The following COL24A1 variants were observed in gnomAD, a reference collection of about 807,000 sequenced individuals.
COL24A1 encodes the protein collagen alpha-1(XXIV) chain.
A neutral mutation model predicts 253.9 loss-of-function variants in COL24A1; 224 were observed. The ratio of observed to expected loss-of-function variants is 0.88; its 90% CI spans 0.79 to 0.99. The LOEUF is 0.99. Ranked by LOEUF, COL24A1 falls within the 50% of genes least tolerant of loss-of-function variation. The pLI, the probability that COL24A1 is intolerant of heterozygous loss-of-function variation, is 0.00. For synonymous variants in COL24A1, 685 were observed against 673.7 expected (o/e 1.02, Z -0.26); for missense variants, 2,131 against 2,068.5 (o/e 1.03, Z -0.59).
chr1:86,036,903 C>T (rs1699078045), intron 12 of COL24A1, among the ~76,000 whole-genome samples: 1 of 151,996 alleles, frequency 6.6e-6, no homozygotes, highest in Admixed American at 6.6e-5. Context: ...TCTCACGTTG[C>T]CAAAGGACAA....
chr1:85,737,013 T>G (rs1205856886), intron 58 of COL24A1, among the ~76,000 whole-genome samples: 2 of 152,194 alleles, frequency 1.3e-5, no homozygotes, highest in Non-Finnish European at 1.5e-5. Context: ...AAATTCTTTT[T>G]TAATGATTAT....
rs573329122 is a variant in COL24A1, at chr1:85,828,106, A to G, written c.3682-4368T>C. ...ACACTGCTTTGAATGCATCCCAGAG[A>G]TTCTGGTATGTTGTGTCTTTGTTCT... On this transcript the variant is annotated intron_variant, in intron 43 of 59. Transcript: ENST00000370571. Among the ~76,000 whole-genome samples, 203 of 152,116 alleles carry G rather than the reference A, an allele frequency of 1.3e-3. 1 individual carries two copies. Among genetic ancestry groups the G allele is most frequent in the African/African-American group, 4.6e-3 (192 of 41,512 alleles).
At chr1:85,902,825 T>C (rs1684448465) in intron 28 of COL24A1, among the ~76,000 whole-genome samples, 1 of 152,158 alleles carries the variant, frequency 6.6e-6, no homozygotes, top group Non-Finnish European at 1.5e-5. Context: ...TAGAAATAAG[T>C]TCTTTTGTTC....
intron 17 of COL24A1, 75 bp downstream of exon 17, chr1:86,022,463 T>A (rs1471629965): frequency 1.6e-5 from 22 of 1,388,304 alleles, no homozygotes; most frequent in East Asian, 2.4e-5. Context: ...AATACATGGA[T>A]AAAATAATAA....
chr1:86,124,153 A>G (rs1178148092), intron 3 of COL24A1, among the ~76,000 whole-genome samples: 1 of 152,010 alleles, frequency 6.6e-6, no homozygotes, highest in Non-Finnish European at 1.5e-5. Flanking sequence ...AACAAAAGAA[A>G]TTCAGGGCTG....
intron 37 of COL24A1, among the ~76,000 whole-genome samples, chr1:85,867,854 C>T (rs1039891683): frequency 6.6e-6 from 1 of 152,162 alleles, no homozygotes; most frequent in African/African-American, 2.4e-5. Flanking sequence ...AAGCGATTCT[C>T]CTGCCTCAGC....
chr1:85,960,098 C>T (rs1175876108), intron 24 of COL24A1, among the ~76,000 whole-genome samples: 1 of 152,078 alleles, frequency 6.6e-6, no homozygotes, highest in African/African-American at 2.4e-5. Context: ...AGATACTCTT[C>T]CTATTTTTAT....
At chr1:86,131,401 T>C (rs1213761955) in intron 2 of COL24A1, among the ~76,000 whole-genome samples, 1 of 152,096 alleles carries the variant, frequency 6.6e-6, no homozygotes, top group Non-Finnish European at 1.5e-5. Context: ...TTAGGGTACA[T>C]GTGCACAATG....
chr1:85,950,776 T>C (rs1201003322), intron 24 of COL24A1, among the ~76,000 whole-genome samples: 3 of 152,100 alleles, frequency 2.0e-5, no homozygotes, highest in Non-Finnish European at 4.4e-5. Flanking sequence ...GAAACATGTA[T>C]AAAATACAGA....
chr1:85,967,865 T>C (rs1195119740), intron 22 of COL24A1, among the ~76,000 whole-genome samples: 1 of 152,154 alleles, frequency 6.6e-6, no homozygotes, highest in Non-Finnish European at 1.5e-5. Context: ...CTTGATTGGA[T>C]TGAAGGATAC....
At chr1:85,756,656 A>G (rs913070722) in intron 55 of COL24A1, among the ~76,000 whole-genome samples, 1 of 152,194 alleles carries the variant, frequency 6.6e-6, no homozygotes, top group African/African-American at 2.4e-5. Context: ...ACAGTATGGC[A>G]GTTTCTCAAA....
intron 35 of COL24A1, among the ~76,000 whole-genome samples, chr1:85,871,357 T>A (rs1018222417): frequency 1.3e-5 from 2 of 152,160 alleles, no homozygotes; most frequent in East Asian, 3.9e-4. Flanking sequence ...GAGGCCAGCA[T>A]CATCCTGATA....
intron 5 of COL24A1, among the ~76,000 whole-genome samples, chr1:86,100,939 A>G (rs911433189): frequency 5.3e-5 from 8 of 152,090 alleles, no homozygotes; most frequent in African/African-American, 1.9e-4. Flanking sequence ...TGGTAAAAGT[A>G]AGTAAAGTGT....
chr1:85,900,628 C>G (rs1358202947), intron 28 of COL24A1, among the ~76,000 whole-genome samples: 1 of 151,956 alleles, frequency 6.6e-6, no homozygotes, highest in Non-Finnish European at 1.5e-5. Flanking sequence ...GACAGAGTTA[C>G]ACCCCATCTT....
In COL24A1 at chr1:86,033,772, GT is replaced by G. The variant is rs538833703; in HGVS notation, c.2004+97del. 9.1e-6 allele frequency: 10 copies of G among 1,093,168 alleles called. No individual in the cohort carries two copies. In the Admixed American group the frequency reaches 2.5e-4, roughly 28 times the overall value. 67.7% of individuals were successfully genotyped at this position (1,093,168 alleles called of 1,614,324 possible). On this transcript the variant is annotated intron_variant, in intron 13 of 59. Transcript: ENST00000370571. ...TGGTGTGGAGATTGTTTTTCCAATA[GT>G]GTTTATTCACAAATATGATAATAAG...
intron 5 of COL24A1, among the ~76,000 whole-genome samples, chr1:86,100,161 T>A (rs1275250873): frequency 6.6e-6 from 1 of 151,816 alleles, no homozygotes; most frequent in African/African-American, 2.4e-5. Context: ...AATTGGCTCC[T>A]ACTACCTCTC....
Position 85,760,627 on chromosome 1 carries a change from C to A in COL24A1, c.4437+769G>T, listed in dbSNP as rs150532405. ...CAGAGCAGCATGTGAAATAAGAAGG[C>A]TTAAATGGCATAGGACTGACTATTG... On this transcript the variant is annotated intron_variant, in intron 55 of 59. Coordinates refer to ENST00000370571, the MANE Select transcript of COL24A1 (RefSeq NM_152890.7). Among the ~76,000 whole-genome samples, 7 of 152,078 alleles carry A rather than the reference C, an allele frequency of 4.6e-5. No homozygotes were observed. The East Asian group carries it at 1.4e-3, about 29-fold the overall frequency.
chr1:86,118,878 T>C (rs1197360054), intron 3 of COL24A1, among the ~76,000 whole-genome samples: 1 of 152,108 alleles, frequency 6.6e-6, no homozygotes, highest in Admixed American at 6.6e-5. Context: ...CACAGTCATT[T>C]TGAGGAATTA....
chr1:85,919,302 A>T (rs1367251503), intron 24 of COL24A1, among the ~76,000 whole-genome samples: 2 of 152,212 alleles, frequency 1.3e-5, no homozygotes, highest in East Asian at 3.8e-4. Context: ...TGACATGGCA[A>T]TTATTAACAG....
Sources: allele counts gnomAD v4.1 joint callset (sites outside exome capture counted in the v4.1 genomes callset), GRCh38; gene constraint gnomAD v4.1.1; transcripts MANE v1.5; gene names NCBI Gene and HGNC (gene_info 2026-07-23, HGNC 2026-07-21).